The following ZNF668 variants were observed in gnomAD, a reference collection of about 807,000 sequenced individuals.
ZNF668 encodes the protein zinc finger protein 668.
In ZNF668, 10 loss-of-function variants were observed where a neutral mutation model predicts 40.3. The observed-to-expected ratio is 0.25, with a 90% CI of 0.15 to 0.42. ZNF668 has a LOEUF of 0.42. Ranked by LOEUF, ZNF668 falls within the 10% of genes least tolerant of loss-of-function variation. The pLI, the probability that ZNF668 is intolerant of heterozygous loss-of-function variation, is 1.00. For synonymous variants in ZNF668, 428 were observed against 384.6 expected, an observed-to-expected ratio of 1.11 and a Z score of -1.32; for missense variants, 749 against 904.6, an observed-to-expected ratio of 0.83 and a Z score of 2.21.
chr16:31,061,927 C>T lies in ZNF668; in HGVS notation c.1001G>A (p.Arg334Gln), dbSNP rs1304475728. The change falls in exon 3 of 3, where the codon CGG becomes CAG. Residue 334 changes from arginine to glutamine, a missense_variant. Coordinates refer to ENST00000300849, the MANE Select transcript of ZNF668 (RefSeq NM_024706.5). This position sits in a 1 kb window ranked among gnomAD's most constrained non-coding sequence, Gnocchi z 7.7. The stretch of plus-strand genomic sequence containing the variant: ...GTCACATTGCAGGCACTTGAACGGC[C>T]GGTCGCCTGTGTGCACACGCCGGTG... Reference protein sequence around the residue: ...AMHRRVHTGDRPFKCLQCDKT... With the variant: ...AMHRRVHTGDQPFKCLQCDKT... The T allele has an allele frequency of 3.1e-6, 5 of 1,613,392 alleles. No individual in the cohort carries two copies. Among genetic ancestry groups the T allele is most frequent in the African/African-American group, 1.3e-5 (1 of 74,942 alleles).
At chr16:31,070,468 A>G (rs2057009074) in intron 1 of ZNF668, among the ~76,000 whole-genome samples, 1 of 151,194 alleles carries the variant, frequency 6.6e-6, no homozygotes, top group African/African-American at 2.4e-5. Context: ...TTGGCTTCCC[A>G]AAGTGCTTGG....
intron 1 of ZNF668, among the ~76,000 whole-genome samples, chr16:31,066,787 T>C (rs186439974): frequency 6.6e-5 from 10 of 152,306 alleles, no homozygotes; most frequent in Admixed American, 5.2e-4. Flanking sequence ...ATGACTTGAA[T>C]TCTTCCTACA....
In ZNF668 at chr16:31,064,288, G is replaced by A. The variant is rs754023714; in HGVS notation, c.172C>T (p.Pro58Ser). 1.9e-6 allele frequency: 3 copies of A among 1,613,776 alleles called. No homozygotes were observed. Residue 58 changes from proline (P) to serine (S), a missense_variant, in exon 2 of 3, where the codon CCA becomes TCA. Coordinates refer to ENST00000300849, the MANE Select transcript of ZNF668 (RefSeq NM_024706.5). The part of the protein sequence containing the change: ...DCSEEVAEVK[P>S]KPETEAKAEE... ...GCCTTAGCTTCTGTCTCTGGCTTTG[G>A]CTTCACCTCGGCCACCTCTTCAGAG...
chr16:31,066,448 G>C, intron 1 of ZNF668: 1 of 871,514 alleles, frequency 1.1e-6, no homozygotes, highest in Non-Finnish European at 1.4e-6. Flanking sequence ...TCCCAGCTAC[G>C]TGGGAGGCTG....
At position 31,064,816 on chromosome 16, in the gene ZNF668, C is replaced by T. The variant is rs566304562; in HGVS notation, c.-22-335G>A. On this transcript the variant is annotated intron_variant, in intron 1 of 2. Transcript: ENST00000300849. ...CTGTCTCACCATCTTCCTTCTTCAG[C>T]TCAGTGTCCAAGAACTATGCCAGGA... The T allele has an allele frequency of 4.1e-6, 6 of 1,459,134 alleles. No individual in the cohort carries two copies. The Admixed American group carries it at 1.0e-4, about 24-fold the overall frequency. 90.4% of individuals were successfully genotyped at this position (1,459,134 alleles called of 1,614,324 possible).
At chr16:31,063,075 C>G (rs1480127200) in intron 2 of ZNF668, among the ~76,000 whole-genome samples, 1 of 152,036 alleles carries the variant, frequency 6.6e-6, no homozygotes, top group East Asian at 1.9e-4. Flanking sequence ...GCCTGGGCAA[C>G]AAGATCAAAA....
Position 31,063,946 on chromosome 16 carries a change from C to T in ZNF668, c.514G>A (p.Asp172Asn), listed in dbSNP as rs769762889. Residue 172 changes from aspartate (D) to asparagine (N), a missense_variant, in exon 2 of 3, where the codon GAC (aspartate) becomes AAC (asparagine). Asp to Asn is a conservative substitution (Grantham distance 23). Transcript: ENST00000300849. ...GGGTCAGCAAAGCTCTTGCCGCAGT[C>T]GGCGCAGGCGTAAGGCCGCTCGCCT... ...HTGERPYACA[D>N]CGKSFADPSV... 5 of 1,604,216 alleles carry T rather than the reference C, an allele frequency of 3.1e-6. No individual in the cohort carries two copies. Among genetic ancestry groups the T allele is most frequent in the African/African-American group, 1.3e-5 (1 of 74,802 alleles).
chr16:31,069,947 T>C (rs1407658181), intron 1 of ZNF668, among the ~76,000 whole-genome samples: 1 of 151,534 alleles, frequency 6.6e-6, no homozygotes, highest in Non-Finnish European at 1.5e-5. Flanking sequence ...GCTAATTTTT[T>C]GTATTTTTAG....
In ZNF668 at chr16:31,061,412, C is replaced by A. The variant is rs914284628; in HGVS notation, c.1516G>T (p.Gly506Cys). Reference sequence around the variant, plus strand: ...GGGGGCTTCTCGTCAGCCTCCTCACCCCCCGCCTCGCCTGCCCCTTCCAAG... The same window carrying A: ...GGGGGCTTCTCGTCAGCCTCCTCACACCCCGCCTCGCCTGCCCCTTCCAAG... ...GPLEGAGEAG[G>C]EEADEKPPQF... The change falls in exon 3 of 3, where the codon GGT (glycine) becomes TGT (cysteine). Residue 506 changes from glycine to cysteine, a missense_variant. Coordinates refer to ENST00000300849, the MANE Select transcript of ZNF668 (RefSeq NM_024706.5). This position sits in a 1 kb window ranked among gnomAD's most constrained non-coding sequence, Gnocchi z 7.7. The A allele has an allele frequency of 1.2e-6, 2 of 1,613,760 alleles. No homozygotes were observed. The highest frequency in any genetic ancestry group is 1.3e-5 in the African/African-American group (1 of 74,902).
rs1442596744 is a variant in ZNF668 at position 31,061,593 on chromosome 16, G to A, written c.1335C>T (p.Ala445=). Residue 445 remains alanine, a synonymous_variant, in exon 3 of 3, where the codon GCC becomes GCT. Coordinates refer to ENST00000300849, the MANE Select transcript of ZNF668 (RefSeq NM_024706.5). The surrounding 1 kb of genome is among the most constrained non-coding windows in gnomAD (Gnocchi z 7.7). ...CCCCCAGCCCCGCCCCTGCTGCCGG[G>A]GCGGCTGAACTCTCACCTGCCACGC... ...PVGVAGESSA[A]PAAGAGLGDP... The A allele has an allele frequency of 6.2e-7, 1 of 1,609,166 alleles. No individual in the cohort carries two copies. The highest frequency in any genetic ancestry group is 2.2e-5 in the East Asian group (1 of 44,864).
intron 1 of ZNF668, 60 bp from the exon 2 acceptor site, chr16:31,064,541 G>T: frequency 6.3e-7 from 1 of 1,596,482 alleles, no homozygotes; most frequent in Non-Finnish European, 8.5e-7. Context: ...GAAAGCCTCA[G>T]AGAGAACCCT....
chr16:31,061,253 G>C lies in ZNF668; in HGVS notation c.1675C>G (p.Leu559Val). Residue 559 changes from leucine to valine, a missense_variant, in exon 3 of 3, where the codon CTG becomes GTG. By Grantham distance (32) the Leu-to-Val change is conservative (BLOSUM62 1). Around this residue, in one of 4 missense-constraint regions of ZNF668, gnomAD observed 310 missense variants for 355.1 expected, o/e 0.87. Coordinates refer to ENST00000300849, the MANE Select transcript of ZNF668 (RefSeq NM_024706.5). The surrounding 1 kb of genome is among the most constrained non-coding windows in gnomAD (Gnocchi z 7.7). Reference sequence around the variant, plus strand: ...CTGTGAGTGCGGCTGTGTTTGCGCAGCCCAGCCCGGTCAGAGAAGCTCTTG... The same window carrying C: ...CTGTGAGTGCGGCTGTGTTTGCGCACCCCAGCCCGGTCAGAGAAGCTCTTG... ...CGKSFSDRAG[L>V]RKHSRTHSSV... 4 of 1,547,320 alleles carry C rather than the reference G, an allele frequency of 2.6e-6. No homozygotes were observed.
At chr16:31,070,498 G>A (rs527821349) in intron 1 of ZNF668, among the ~76,000 whole-genome samples, 25 of 151,454 alleles carry the variant, frequency 1.7e-4, no homozygotes, top group Middle Eastern at 3.5e-3. Context: ...ATGAGCCACC[G>A]CACCCAGCCC....
chr16:31,063,915 A>C lies in ZNF668; in HGVS notation c.545T>G (p.Val182Gly). ...GTGAGTACGCCGGTGCTTGCGGAACACTGAAGGGTCAGCAAAGCTCTTGCC... is the reference window on the plus strand; with the variant it reads ...GTGAGTACGCCGGTGCTTGCGGAACCCTGAAGGGTCAGCAAAGCTCTTGCC... ...DCGKSFADPS[V>G]FRKHRRTHAG... Residue 182 changes from valine (V) to glycine (G), a missense_variant, in exon 2 of 3, where the codon GTG becomes GGG. Around this residue, in one of 4 missense-constraint regions of ZNF668, gnomAD observed 151 missense variants for 178.6 expected, o/e 0.85. Coordinates refer to ENST00000300849, the MANE Select transcript of ZNF668 (RefSeq NM_024706.5). 1 of 1,596,890 alleles carries C rather than the reference A, an allele frequency of 6.3e-7. No individual in the cohort carries two copies. Among genetic ancestry groups the C allele is most frequent in the Non-Finnish European group, 8.5e-7 (1 of 1,172,372 alleles).
Position 31,061,641 on chromosome 16 carries a change from C to T in ZNF668, c.1287G>A (p.Val429=), listed in dbSNP as rs1437810303. The change falls in exon 3 of 3, where the codon GTG becomes GTA. Residue 429 remains valine, a synonymous_variant. Transcript: ENST00000300849. The surrounding 1 kb of genome is among the most constrained non-coding windows in gnomAD (Gnocchi z 7.7). ...AAGVPPAQEL[V]VGLALPVGVA... is the part of the protein sequence containing the mutation. ...CGCCCACAGGCAGCGCCAACCCCAC[C>T]ACCAGCTCCTGTGCAGGGGGCACAC... The T allele has an allele frequency of 6.2e-7, 1 of 1,612,452 alleles. No homozygotes were observed. Among genetic ancestry groups the T allele is most frequent in the Admixed American group, 1.7e-5 (1 of 60,026 alleles).
Position 31,061,821 on chromosome 16 carries a change from G to A in ZNF668, c.1107C>T (p.Cys369=), listed in dbSNP as rs1431183976. ...TGGCACGCTCGGCGAAGGCTCGCCC[G>A]CACTCCTCACAGCGGAAGGGCCGCT... ...SGQRPFRCEE[C]GRAFAERASL... The change falls in exon 3 of 3, where the codon TGC becomes TGT. Residue 369 remains cysteine, a synonymous_variant. Coordinates refer to ENST00000300849, the MANE Select transcript of ZNF668 (RefSeq NM_024706.5). This position sits in a 1 kb window ranked among gnomAD's most constrained non-coding sequence, Gnocchi z 7.7. 5 of 1,612,728 alleles carry A rather than the reference G, an allele frequency of 3.1e-6. No homozygotes were observed. The highest frequency in any genetic ancestry group is 2.2e-5 in the East Asian group (1 of 44,872).
At chr16:31,066,004 A>C (rs1000246556) in intron 1 of ZNF668, 1 of 985,008 alleles carries the variant, frequency 1.0e-6, no homozygotes, top group African/African-American at 1.7e-5. Flanking sequence ...CCCTTATGCC[A>C]GGAAAGGGCG....
At position 31,061,348 on chromosome 16, in the gene ZNF668, G is replaced by T. The variant is rs542747791; in HGVS notation, c.1580C>A (p.Thr527Lys). 1.2e-6 allele frequency: 2 copies of T among 1,610,822 alleles called. No homozygotes were observed. Among genetic ancestry groups the T allele is most frequent in the African/African-American group, 2.7e-5 (2 of 75,000 alleles). Residue 527 changes from threonine to lysine, a missense_variant, in exon 3 of 3, where the codon ACA becomes AAA. Thr to Lys is a moderately conservative substitution (Grantham distance 78). This residue lies in a region of ZNF668 where 310 missense variants were observed against 355.1 expected (regional missense o/e 0.87). Coordinates refer to ENST00000300849, the MANE Select transcript of ZNF668 (RefSeq NM_024706.5). The surrounding 1 kb of genome is among the most constrained non-coding windows in gnomAD (Gnocchi z 7.7). ...VCRECKETFS[T>K]MTLLRRHERS... ...CTCGTGCCGACGCAGCAGCGTCATT[G>T]TGGAGAAGGTCTCCTTGCACTCTCG...
At chr16:31,071,259 C>T (rs1337326636) in intron 1 of ZNF668, among the ~76,000 whole-genome samples, 4 of 151,942 alleles carry the variant, frequency 2.6e-5, no homozygotes, top group Admixed American at 6.6e-5. Context: ...CTCCACCTCC[C>T]GGATTCAAGT....
Sources: gnomAD v4.1 joint callset for allele counts (sites outside exome capture counted in the v4.1 genomes callset) on GRCh38, gnomAD v4.1.1 for gene constraint, gnomAD v4.1.1 regional missense constraint, Gnocchi (gnomAD v3.1) non-coding constraint, MANE v1.5 for transcripts, NCBI Gene and HGNC (gene_info 2026-07-23, HGNC 2026-07-21) for gene names.